Variants in HPGDS observed in about 807,000 individuals in gnomAD.
HPGDS encodes GST class-sigma.
HPGDS carries 26 observed loss-of-function variants against 23.1 expected under a neutral mutation model. The ratio of observed to expected loss-of-function variants is 1.13; its 90% CI spans 0.83 to 1.56. The LOEUF is 1.56. Ranked by LOEUF, HPGDS falls within the 40% of genes most tolerant of loss-of-function variation. HPGDS has a pLI of 0.00. For missense variants in HPGDS, 268 were observed against 236.4 expected, an observed-to-expected ratio of 1.13 and a Z score of -0.88; for synonymous variants, 95 against 77.9, an observed-to-expected ratio of 1.22 and a Z score of -1.16.
chr4:94,322,365 G>C (rs1288027265), intron 2 of HPGDS, among the ~76,000 whole-genome samples: 1 of 152,184 alleles, frequency 6.6e-6, no homozygotes, highest in African/African-American at 2.4e-5. Context: ...ATCTCTGGTA[G>C]AATTCAGCTG....
intron 2 of HPGDS, among the ~76,000 whole-genome samples, chr4:94,327,345 G>C (rs1264281776): frequency 6.6e-6 from 1 of 152,134 alleles, no homozygotes; most frequent in Non-Finnish European, 1.5e-5. Flanking sequence ...GGCAAGATAG[G>C]CTTGTTCTCA....
chr4:94,341,501 G>A (rs1025727411), intron 1 of HPGDS, among the ~76,000 whole-genome samples: 1 of 152,070 alleles, frequency 6.6e-6, no homozygotes, highest in Admixed American at 6.5e-5. Flanking sequence ...AGAACTTTTG[G>A]AATAATTTTG....
At chr4:94,332,911 C>T (rs1052838614) in intron 2 of HPGDS, among the ~76,000 whole-genome samples, 1 of 152,326 alleles carries the variant, frequency 6.6e-6, no homozygotes, top group African/African-American at 2.4e-5. Flanking sequence ...ATCATATCTA[C>T]ATTCAAGCTT....
In HPGDS at chr4:94,318,068, A is replaced by G. The variant is rs888274551; in HGVS notation, c.134-103T>C. 13 of 667,912 alleles carry G rather than the reference A, an allele frequency of 1.9e-5. No individual in the cohort carries two copies. In the African/African-American group the frequency reaches 2.4e-4, roughly 12 times the overall value. The allele number at this position is 667,912 out of a possible 1,614,324, so 41.4% of individuals were successfully genotyped here. Reference sequence around the variant, plus strand: ...TGAAAACAAAGCATGATTTTATGGAATCATGAAATTCTTAAATATTTTTAA... The same window carrying G: ...TGAAAACAAAGCATGATTTTATGGAGTCATGAAATTCTTAAATATTTTTAA... On this transcript the variant is annotated intron_variant, in intron 2 of 5. Transcript: ENST00000295256.
intron 1 of HPGDS, among the ~76,000 whole-genome samples, chr4:94,338,381 C>CG (rs1425349202): frequency 6.6e-6 from 1 of 152,006 alleles, no homozygotes; most frequent in Non-Finnish European, 1.5e-5. Context: ...GCCAAGACCG[C>CG]GACACTTCAC....
Position 94,334,090 on chromosome 4 carries a change from G to A in HPGDS, c.133+407C>T, listed in dbSNP as rs74858675. On this transcript the variant is annotated intron_variant, in intron 2 of 5. Transcript: ENST00000295256. Reference sequence around the variant, plus strand: ...AGTAGTGTTGTTTTGGCATTGTCTAGTGCAAATAGCTTGAGCCTGGTATTA... The same window carrying A: ...AGTAGTGTTGTTTTGGCATTGTCTAATGCAAATAGCTTGAGCCTGGTATTA... 7.6e-3 allele frequency: 1,185 copies of A among 155,890 alleles called. 10 individuals are homozygous for A. The highest frequency in any genetic ancestry group is 0.027 in the African/African-American group (1,123 of 41,618). The allele number at this position is 155,890 out of a possible 1,614,324, so 9.7% of individuals were successfully genotyped here. A position where few individuals can be genotyped will look rare whatever the true frequency, so the allele number is the denominator to read the frequency against.
intron 2 of HPGDS, among the ~76,000 whole-genome samples, chr4:94,325,407 G>A (rs1220273304): frequency 1.3e-5 from 2 of 152,154 alleles, no homozygotes; most frequent in East Asian, 1.9e-4. Flanking sequence ...ACAGAGGCAG[G>A]TAGGCCTTCT....
intron 2 of HPGDS, among the ~76,000 whole-genome samples, chr4:94,322,466 C>T (rs780698243): frequency 2.1e-4 from 32 of 152,230 alleles, no homozygotes; most frequent in East Asian, 3.9e-4. Context: ...TTCAGGGATT[C>T]AACTTCTTCC....
intron 5 of HPGDS, among the ~76,000 whole-genome samples, chr4:94,300,320 A>T (rs922278650): frequency 6.6e-6 from 1 of 152,210 alleles, no homozygotes; most frequent in African/African-American, 2.4e-5. Context: ...GTATGCCAAG[A>T]TTGGCCACTG....
chr4:94,341,903 C>A (rs1721181684), intron 1 of HPGDS, among the ~76,000 whole-genome samples: 1 of 152,200 alleles, frequency 6.6e-6, no homozygotes, highest in Non-Finnish European at 1.5e-5. Context: ...GAACTTCTTG[C>A]ATATACTGAC....
At chr4:94,311,645 G>T (rs1463484027) in intron 3 of HPGDS, among the ~76,000 whole-genome samples, 2 of 151,316 alleles carry the variant, frequency 1.3e-5, no homozygotes, top group African/African-American at 2.5e-5. Context: ...GGATGATGCT[G>T]GCCTCATAAA....
At position 94,299,361 on chromosome 4, in the gene HPGDS, G is replaced by A; in HGVS notation, c.*119C>T. ...TTAAAAATCAGAATATGGCTAAAGT[G>A]AAAATCTTAGTGGAGCTGGGGAGGG... On this transcript the variant is annotated 3_prime_UTR_variant, in exon 6 of 6. Transcript: ENST00000295256. 3 of 829,132 alleles carry A rather than the reference G, an allele frequency of 3.6e-6. No individual in the cohort carries two copies. Among genetic ancestry groups the A allele is most frequent in the Non-Finnish European group, 5.4e-6 (3 of 554,712 alleles). The allele number at this position is 829,132 out of a possible 1,614,324, so 51.4% of individuals were successfully genotyped here.
chr4:94,323,530 C>A (rs1756561397), intron 2 of HPGDS, among the ~76,000 whole-genome samples: 1 of 152,130 alleles, frequency 6.6e-6, no homozygotes, highest in Non-Finnish European at 1.5e-5. Flanking sequence ...CCTTCTTTAT[C>A]TCTTTTGATT....
At chr4:94,329,965 G>T (rs1394880509) in intron 2 of HPGDS, among the ~76,000 whole-genome samples, 2 of 152,176 alleles carry the variant, frequency 1.3e-5, no homozygotes, top group Non-Finnish European at 2.9e-5. Flanking sequence ...GTCTTACAAT[G>T]ATGTCTAGTC....
At chr4:94,325,401 A>G (rs970437501) in intron 2 of HPGDS, among the ~76,000 whole-genome samples, 6 of 152,160 alleles carry the variant, frequency 3.9e-5, no homozygotes, top group African/African-American at 1.2e-4. Context: ...GAGTCTACAG[A>G]GGCAGGTAGG....
rs756530827 is a variant in HPGDS, at chr4:94,299,664, CTT to C, written c.436-22_436-21del. The C allele has an allele frequency of 3.1e-6, 5 of 1,602,744 alleles. No individual in the cohort carries two copies. The East Asian group carries it at 6.7e-5, about 22-fold the overall frequency. On this transcript the variant is annotated intron_variant, in intron 5 of 5. Coordinates refer to ENST00000295256, the MANE Select transcript of HPGDS (RefSeq NM_014485.3). ...AGTTACCTAGTTTAAAGGAAACAAACTTTTCATTTGAACATAGAAAGTGTAGC... is the reference window on the plus strand; with the variant it reads ...AGTTACCTAGTTTAAAGGAAACAAACTTCATTTGAACATAGAAAGTGTAGC...
intron 1 of HPGDS, among the ~76,000 whole-genome samples, chr4:94,339,715 A>G (rs1263246738): frequency 6.6e-6 from 1 of 151,638 alleles, no homozygotes; most frequent in Non-Finnish European, 1.5e-5. Flanking sequence ...TTTACTTTAT[A>G]GAATGCTTGT....
chr4:94,316,142 C>T (rs964015473), intron 3 of HPGDS, among the ~76,000 whole-genome samples: 7 of 152,082 alleles, frequency 4.6e-5, no homozygotes, highest in African/African-American at 1.2e-4. Flanking sequence ...ATGCATGGCA[C>T]GTATGGTCAA....
intron 2 of HPGDS, among the ~76,000 whole-genome samples, chr4:94,322,828 T>C (rs1012309339): frequency 6.6e-6 from 1 of 152,220 alleles, no homozygotes; most frequent in Non-Finnish European, 1.5e-5. Context: ...TTGCTCTTGC[T>C]TCTCTAGTTC....
Sources: gnomAD v4.1 joint callset for allele counts (sites outside exome capture counted in the v4.1 genomes callset) on GRCh38, gnomAD v4.1.1 for gene constraint, MANE v1.5 for transcripts, NCBI Gene and HGNC (gene_info 2026-07-23, HGNC 2026-07-21) for gene names.